The following ACBD3 variants were observed in gnomAD, a reference collection of about 807,000 sequenced individuals.
The protein encoded by ACBD3 is acyl-CoA binding domain containing 3, also known as Golgi resident protein GCP60.
A neutral mutation model predicts 66.9 loss-of-function variants in ACBD3; 30 were observed. That is an observed-to-expected ratio of 0.45 (90% confidence interval 0.34 to 0.61). The LOEUF is 0.61. Ranked by LOEUF, ACBD3 falls within the 20% of genes least tolerant of loss-of-function variation. The probability of loss-of-function intolerance (pLI) is 0.02; values close to 1 mark genes in which losing one functional copy is unlikely to be tolerated. For synonymous variants in ACBD3, 278 were observed against 259.8 expected (o/e 1.07, Z -0.68); for missense variants, 544 against 664.5 (o/e 0.82, Z 1.99).
At chr1:226,161,459 G>A (rs982436612) in intron 4 of ACBD3, 72 bp downstream of exon 4, 19 of 1,594,030 alleles carry the variant, frequency 1.2e-5, no homozygotes, top group African/African-American at 2.7e-5. Flanking sequence ...CACCTGGCCC[G>A]CTCATTTCTT....
chr1:226,167,429 C>A (rs1265897672), intron 1 of ACBD3, among the ~76,000 whole-genome samples: 2 of 152,316 alleles, frequency 1.3e-5, no homozygotes, highest in South Asian at 4.1e-4. Flanking sequence ...TTATTACTAA[C>A]TTATTAATGC....
intron 1 of ACBD3, among the ~76,000 whole-genome samples, chr1:226,173,625 T>A (rs1290794141): frequency 6.6e-6 from 1 of 152,064 alleles, no homozygotes; most frequent in Non-Finnish European, 1.5e-5. Context: ...ACAATCTATA[T>A]TGCTATGCAG....
chr1:226,176,941 C>T (rs1304284895), intron 1 of ACBD3, among the ~76,000 whole-genome samples: 2 of 152,000 alleles, frequency 1.3e-5, no homozygotes, highest in Non-Finnish European at 2.9e-5. Flanking sequence ...TAACTGCTTT[C>T]GAAGAAACAT....
At chr1:226,177,766 C>T (rs1451002401) in intron 1 of ACBD3, among the ~76,000 whole-genome samples, 3 of 149,186 alleles carry the variant, frequency 2.0e-5, no homozygotes, top group Admixed American at 1.3e-4. Flanking sequence ...TTTTTTTAGA[C>T]AGGGTCTTGC....
intron 1 of ACBD3, among the ~76,000 whole-genome samples, chr1:226,173,487 T>C (rs1254416692): frequency 6.6e-6 from 1 of 152,060 alleles, no homozygotes. Flanking sequence ...GTTAAGAGAT[T>C]ATTCTCCCAA....
At position 226,159,290 on chromosome 1, in the gene ACBD3, T is replaced by C. The variant is rs1357618933; in HGVS notation, c.797A>G (p.Tyr266Cys). ...VQFQQYAAQQ[Y>C]PGNYEQQQIL... ...TTGCTGCTGTTCGTAGTTCCCTGGATACTGTTGGGCTGCATACTGCTGGAA... is the reference window on the plus strand; with the variant it reads ...TTGCTGCTGTTCGTAGTTCCCTGGACACTGTTGGGCTGCATACTGCTGGAA... Residue 266 changes from tyrosine to cysteine, a missense_variant, in exon 5 of 8, where the codon TAT becomes TGT. Tyr to Cys is a radical substitution (Grantham distance 194, BLOSUM62 -2). This residue lies in a region of ACBD3 where 383 missense variants were observed against 462.4 expected (regional missense o/e 0.83). Transcript: ENST00000366812. 1 of 1,614,228 alleles carries C rather than the reference T, an allele frequency of 6.2e-7. No homozygotes were observed. The highest frequency in any genetic ancestry group is 1.7e-5 in the Admixed American group (1 of 60,022).
In ACBD3 at chr1:226,146,813, C is replaced by T. The variant is rs2102771412; in HGVS notation, c.1384G>A (p.Gly462Ser). 12 of 1,614,044 alleles carry T rather than the reference C, an allele frequency of 7.4e-6. No individual in the cohort carries two copies. Among genetic ancestry groups the T allele is most frequent in the South Asian group, 1.1e-5 (1 of 91,068 alleles). Residue 462 changes from glycine to serine, a missense_variant, in exon 8 of 8, where the codon GGT becomes AGT. Transcript: ENST00000366812. Reference protein sequence around the residue: ...DDDEEEEENIGCEEKAKKNAN... With the variant: ...DDDEEEEENISCEEKAKKNAN... ...TTCTTTTTGGCTTTCTCTTCACAACCGATGTTTTCTGTAAGAACAGAGACA... is the reference window on the plus strand; with the variant it reads ...TTCTTTTTGGCTTTCTCTTCACAACTGATGTTTTCTGTAAGAACAGAGACA...
At chr1:226,161,723 G>A (rs768130592) in intron 3 of ACBD3, 34 bp from the exon 4 acceptor site, 38 of 1,512,538 alleles carry the variant, frequency 2.5e-5, no homozygotes, top group Non-Finnish European at 3.2e-5. Flanking sequence ...AACCCTATAC[G>A]TTGAATCCTG....
intron 1 of ACBD3, among the ~76,000 whole-genome samples, chr1:226,171,971 C>A (rs1660002128): frequency 6.6e-6 from 1 of 151,464 alleles, no homozygotes. Context: ...GCCTGACTAA[C>A]ATGAGAAACC....
Position 226,152,585 on chromosome 1 carries a change from C to A in ACBD3, c.1125G>T (p.Trp375Cys). The A allele has an allele frequency of 3.1e-6, 5 of 1,614,120 alleles. No homozygotes were observed. The highest frequency in any genetic ancestry group is 4.2e-6 in the Non-Finnish European group (5 of 1,180,028). The change falls in exon 7 of 8, where the codon TGG becomes TGT. Residue 375 changes from tryptophan to cysteine, a missense_variant. Transcript: ENST00000366812. Reference sequence around the variant, plus strand: ...TGAAGTCTTTGATCTGAGGTCGTGTCCACATGGATGGAGCTGCTATTACTG... The same window carrying A: ...TGAAGTCTTTGATCTGAGGTCGTGTACACATGGATGGAGCTGCTATTACTG... ...SLPVIAAPSMWTRPQIKDFKE... is the reference protein window; with the variant it reads ...SLPVIAAPSMCTRPQIKDFKE...
chr1:226,154,551 T>C (rs933117620), intron 6 of ACBD3, 96 bp downstream of exon 6: 3 of 1,383,816 alleles, frequency 2.2e-6, no homozygotes, highest in Non-Finnish European at 2.9e-6. Context: ...AAATATGTAA[T>C]TGTTCTCAAA....
chr1:226,153,758 A>AAT (rs1380349910), intron 6 of ACBD3, among the ~76,000 whole-genome samples: 1 of 152,134 alleles, frequency 6.6e-6, no homozygotes, highest in Non-Finnish European at 1.5e-5. Flanking sequence ...TAGTCTCAAA[A>AAT]ATATATCTAT....
chr1:226,150,073 T>A (rs951735794), intron 7 of ACBD3, among the ~76,000 whole-genome samples: 8 of 150,298 alleles, frequency 5.3e-5, no homozygotes, highest in Non-Finnish European at 1.0e-4. Context: ...TTTTTTTTTT[T>A]AGAGGGAGGG....
chr1:226,180,086 G>A lies in ACBD3; in HGVS notation c.286+6304C>T, dbSNP rs527860172. Among the ~76,000 whole-genome samples the A allele has an allele frequency of 1.1e-4, 16 of 150,432 alleles. No homozygotes were observed. In the East Asian group the frequency reaches 2.7e-3, roughly 26 times the overall value. On this transcript the variant is annotated intron_variant, in intron 1 of 7. Coordinates refer to ENST00000366812, the MANE Select transcript of ACBD3 (RefSeq NM_022735.4). ...CTCGGGAGGCTGAGGCAAGAGAATA[G>A]TCTGAACCTAGGAGGCGGAGGTTGC... is the stretch of plus-strand genomic sequence containing the variant.
intron 4 of ACBD3, 31 bp from the exon 5 acceptor site, chr1:226,159,389 T>G: frequency 6.3e-7 from 1 of 1,597,562 alleles, no homozygotes; most frequent in Non-Finnish European, 8.6e-7. Flanking sequence ...TATACTAGTC[T>G]GGCTACAGGA....
In ACBD3 at chr1:226,182,712, G is replaced by C. The variant is rs117947734; in HGVS notation, c.286+3678C>G. 2.0e-5 allele frequency among the ~76,000 whole-genome samples: 3 copies of C among 152,172 alleles called. No homozygotes were observed. In the East Asian group the frequency reaches 5.8e-4, roughly 29 times the overall value. On this transcript the variant is annotated intron_variant, in intron 1 of 7. Transcript: ENST00000366812. The stretch of plus-strand genomic sequence containing the variant: ...CAAACTGCTTTCTATTTTCCATTTT[G>C]CAAACAGACATGCTTTGACTTCTCA...
rs1364337968 is a variant in ACBD3 at position 226,159,599 on chromosome 1, T to C, written c.729-241A>G. ...GGGATGGAAGATAAGCATATGATCA[T>C]CATCATCATGACCACCATCATAATT... is the stretch of plus-strand genomic sequence containing the variant. On this transcript the variant is annotated intron_variant, in intron 4 of 7. Transcript: ENST00000366812. 2.0e-5 allele frequency among the ~76,000 whole-genome samples: 3 copies of C among 152,182 alleles called. No homozygotes were observed. In the South Asian group the frequency reaches 6.2e-4, roughly 32 times the overall value.
At chr1:226,164,193 C>T (rs1659825803) in intron 3 of ACBD3, among the ~76,000 whole-genome samples, 2 of 149,258 alleles carry the variant, frequency 1.3e-5, no homozygotes, top group East Asian at 3.9e-4. Flanking sequence ...ATTTTCATCA[C>T]CTAAAATTTT....
At chr1:226,179,215 C>T (rs533785877) in intron 1 of ACBD3, among the ~76,000 whole-genome samples, 2 of 152,248 alleles carry the variant, frequency 1.3e-5, no homozygotes, top group Admixed American at 1.3e-4. Context: ...AGAAATGTGT[C>T]CCAAAATCTT....
Sources: allele counts gnomAD v4.1 joint callset (sites outside exome capture counted in the v4.1 genomes callset), GRCh38; gene constraint gnomAD v4.1.1; regional missense constraint gnomAD v4.1.1; transcripts MANE v1.5; gene names NCBI Gene and HGNC (gene_info 2026-07-23, HGNC 2026-07-21).